SPATA6L: variants seen among roughly 807,000 people sequenced by gnomAD.
The protein encoded by SPATA6L is spermatogenesis associated 6-like protein.
SPATA6L carries 68 observed loss-of-function variants against 49.2 expected under a neutral mutation model. That is an observed-to-expected ratio of 1.38 (90% CI 1.14 to 1.69). The LOEUF (loss-of-function observed/expected upper bound fraction) is 1.69. Ranked by LOEUF, SPATA6L falls within the 40% of genes most tolerant of loss-of-function variation. SPATA6L has a pLI of 0.00. For synonymous variants in SPATA6L, 198 were observed against 165.7 expected (o/e 1.19, Z -1.50); for missense variants, 668 against 464.3 (o/e 1.44, Z -4.03).
intron 3 of SPATA6L, among the ~76,000 whole-genome samples, chr9:4,650,814 C>A (rs1004276749): frequency 1.3e-5 from 2 of 149,770 alleles, no homozygotes; most frequent in Middle Eastern, 3.2e-3. Context: ...CAAGCACCAC[C>A]AAACCCAGCT....
In SPATA6L at chr9:4,662,396, C is replaced by T. The variant is rs1270967505; in HGVS notation, c.40-360G>A. ...CTGCGATGCCAAGTCCCCGGAGGAG[C>T]ATGGAGGGACGGCCGCTGGGCGTCT... On this transcript the variant is annotated intron_variant, in intron 1 of 11. Transcript: ENST00000682582. This position sits in a 1 kb window ranked among gnomAD's most constrained non-coding sequence, Gnocchi z 4.9. The T allele has an allele frequency of 2.6e-6, 4 of 1,533,968 alleles. No individual in the cohort carries two copies. The highest frequency in any genetic ancestry group is 8.7e-7 in the Non-Finnish European group (1 of 1,147,952).
In SPATA6L at chr9:4,662,621, C is replaced by G; in HGVS notation, c.40-585G>C. 1.9e-6 allele frequency: 3 copies of G among 1,596,118 alleles called. No homozygotes were observed. The highest frequency in any genetic ancestry group is 2.5e-6 in the Non-Finnish European group (3 of 1,178,390). ...CCGCGGCGGGCCCCTCGCAGTCGCC[C>G]GCGCCTCCGCTGCCCGAGGAGGACC... On this transcript the variant is annotated intron_variant, in intron 1 of 11. Coordinates refer to ENST00000682582, the MANE Select transcript of SPATA6L (RefSeq NM_001353486.2). This position sits in a 1 kb window ranked among gnomAD's most constrained non-coding sequence, Gnocchi z 4.9.
At chr9:4,642,888 GGAAA>G (rs1834346280) in intron 3 of SPATA6L, among the ~76,000 whole-genome samples, 1 of 151,782 alleles carries the variant, frequency 6.6e-6, no homozygotes, top group Non-Finnish European at 1.5e-5. Context: ...TTATACAGAA[GGAAA>G]GAAAGAAAAC....
At chr9:4,607,401 C>T (rs1268243058) in intron 9 of SPATA6L, among the ~76,000 whole-genome samples, 6 of 152,038 alleles carry the variant, frequency 3.9e-5, no homozygotes, top group Non-Finnish European at 8.8e-5. Flanking sequence ...AGAGAAAGGT[C>T]GGGTTACCCT....
At chr9:4,601,013 A>G (rs540340008) in intron 11 of SPATA6L, among the ~76,000 whole-genome samples, 18 of 152,332 alleles carry the variant, frequency 1.2e-4, no homozygotes, top group African/African-American at 4.3e-4. Context: ...TGGACAATTT[A>G]CTTGACGTCT....
Position 4,662,623 on chromosome 9 carries a change from C to T in SPATA6L, c.40-587G>A, listed in dbSNP as rs376260541. ...GCGGCGGGCCCCTCGCAGTCGCCCG[C>T]GCCTCCGCTGCCCGAGGAGGACCGC... On this transcript the variant is annotated intron_variant, in intron 1 of 11. Transcript: ENST00000682582. This position sits in a 1 kb window ranked among gnomAD's most constrained non-coding sequence, Gnocchi z 4.9. 3.1e-6 allele frequency: 5 copies of T among 1,596,434 alleles called. No individual in the cohort carries two copies. In the South Asian group the frequency reaches 5.5e-5, roughly 18 times the overall value.
Position 4,615,127 on chromosome 9 carries a change from T to G in SPATA6L, c.995+2796A>C, listed in dbSNP as rs376059826. 7.1e-4 allele frequency among the ~76,000 whole-genome samples: 108 copies of G among 152,126 alleles called. 3 individuals are homozygous for G. In the South Asian group the frequency reaches 0.022, roughly 31 times the overall value. The stretch of plus-strand genomic sequence containing the variant: ...TGAACCCCATCATAAACCAATCTTC[T>G]CTCCTCAAGGCCACATGAAAGCATC... On this transcript the variant is annotated intron_variant, in intron 9 of 11. Transcript: ENST00000682582.
rs1343565170 is a variant in SPATA6L at position 4,662,486 on chromosome 9, G to C, written c.40-450C>G. On this transcript the variant is annotated intron_variant, in intron 1 of 11. Coordinates refer to ENST00000682582, the MANE Select transcript of SPATA6L (RefSeq NM_001353486.2). The surrounding 1 kb of genome is among the most constrained non-coding windows in gnomAD (Gnocchi z 4.9). ...ATGGCGGCGGTGGCGGCGGCAGCAG[G>C]TTTGAGTTCCAGTCCCTGCTCAGCA... 1 of 1,556,822 alleles carries C rather than the reference G, an allele frequency of 6.4e-7. No homozygotes were observed. The highest frequency in any genetic ancestry group is 8.6e-7 in the Non-Finnish European group (1 of 1,160,978).
At chr9:4,630,531 G>A (rs1249609641) in intron 4 of SPATA6L, among the ~76,000 whole-genome samples, 1 of 151,990 alleles carries the variant, frequency 6.6e-6, no homozygotes, top group Admixed American at 6.6e-5. Flanking sequence ...TTGCCCTGAG[G>A]GCATCTTCCT....
At chr9:4,650,278 A>C (rs1836504101) in intron 3 of SPATA6L, among the ~76,000 whole-genome samples, 1 of 152,158 alleles carries the variant, frequency 6.6e-6, no homozygotes, top group South Asian at 2.1e-4. Context: ...CTTTCTCTAT[A>C]TTCTGCTATT....
rs1194699603 is a variant in SPATA6L at position 4,646,615 on chromosome 9, C to T, written c.226+9426G>A. Reference sequence around the variant, plus strand: ...TTAAGTTTTAAACTGTCATAAAACCCACTTAATAGTAATAATAATAAAAAT... The same window carrying T: ...TTAAGTTTTAAACTGTCATAAAACCTACTTAATAGTAATAATAATAAAAAT... On this transcript the variant is annotated intron_variant, in intron 3 of 11. Coordinates refer to ENST00000682582, the MANE Select transcript of SPATA6L (RefSeq NM_001353486.2). 3 of 594,246 alleles carry T rather than the reference C, an allele frequency of 5.0e-6. No individual in the cohort carries two copies. In the Admixed American group the frequency reaches 1.1e-4, roughly 22 times the overall value. The allele number at this position is 594,246 out of a possible 1,614,324, so 36.8% of individuals were successfully genotyped here. A position where few individuals can be genotyped will look rare whatever the true frequency, so the allele number is the denominator to read the frequency against.
intron 2 of SPATA6L, among the ~76,000 whole-genome samples, chr9:4,657,986 G>A (rs1005021382): frequency 1.3e-5 from 2 of 152,192 alleles, no homozygotes; most frequent in African/African-American, 4.8e-5. Context: ...CACACAGAGT[G>A]AATGCCGTGT....
chr9:4,616,376 T>C (rs1342230531), intron 9 of SPATA6L, among the ~76,000 whole-genome samples: 1 of 152,244 alleles, frequency 6.6e-6, no homozygotes, highest in Non-Finnish European at 1.5e-5. Context: ...CCATGTCTCC[T>C]GACCACTGTT....
intron 4 of SPATA6L, 73 bp downstream of exon 4, chr9:4,635,202 T>C: frequency 7.0e-7 from 1 of 1,425,982 alleles, no homozygotes; most frequent in Non-Finnish European, 9.2e-7. Flanking sequence ...GATCAAACCC[T>C]GTCAGGAATA....
chr9:4,642,656 A>T (rs985747616), intron 3 of SPATA6L, among the ~76,000 whole-genome samples: 15 of 152,118 alleles, frequency 9.9e-5, no homozygotes, highest in African/African-American at 3.6e-4. Context: ...TCTTTGCTTT[A>T]GTTGAGACAT....
intron 11 of SPATA6L, 122 bp downstream of exon 11, chr9:4,604,057 C>A: frequency 1.6e-6 from 1 of 632,808 alleles, no homozygotes; most frequent in South Asian, 2.1e-5. Flanking sequence ...CTCAGGTCTC[C>A]TCCAAGTCTC....
At chr9:4,629,522 G>A (rs1831038235) in intron 4 of SPATA6L, among the ~76,000 whole-genome samples, 1 of 151,854 alleles carries the variant, frequency 6.6e-6, no homozygotes, top group Non-Finnish European at 1.5e-5. Flanking sequence ...TGTCCATGAT[G>A]TTAGCTACTC....
At chr9:4,629,967 G>A (rs762104290) in intron 4 of SPATA6L, among the ~76,000 whole-genome samples, 6 of 151,768 alleles carry the variant, frequency 4.0e-5, no homozygotes, top group Non-Finnish European at 7.4e-5. Context: ...GAAACTACTC[G>A]GTAATAACAA....
intron 3 of SPATA6L, among the ~76,000 whole-genome samples, chr9:4,647,734 T>C: frequency 6.6e-6 from 1 of 151,950 alleles, no homozygotes. Context: ...TTCAGATCTT[T>C]AAGATAACTT....
Sources: gnomAD v4.1 joint callset for allele counts (sites outside exome capture counted in the v4.1 genomes callset) on GRCh38, gnomAD v4.1.1 for gene constraint, Gnocchi (gnomAD v3.1) non-coding constraint, MANE v1.5 for transcripts, NCBI Gene and HGNC (gene_info 2026-07-23, HGNC 2026-07-21) for gene names.